The following MYO7A variants were observed in gnomAD, a reference collection of about 807,000 sequenced individuals.
MYO7A encodes the protein unconventional myosin-VIIa.
A neutral mutation model predicts 263.8 loss-of-function variants in MYO7A; 210 were observed. The ratio of observed to expected loss-of-function variants is 0.80; its 90% CI spans 0.71 to 0.89. The LOEUF is 0.89. Ranked by LOEUF, MYO7A falls within the 40% of genes least tolerant of loss-of-function variation. The pLI is 0.00. For missense variants in MYO7A, 2,820 were observed against 2,968.3 expected (o/e 0.95, Z 1.16); for synonymous variants, 1,239 against 1,197.3 (o/e 1.03, Z -0.72).
At chr11:77,191,460 T>C (rs1168854771) in intron 30 of MYO7A, among the ~76,000 whole-genome samples, 1 of 152,162 alleles carries the variant, frequency 6.6e-6, no homozygotes, top group African/African-American at 2.4e-5. Flanking sequence ...CACAGGCTGA[T>C]GGGAGGGCTG....
chr11:77,192,630 C>A (rs1298106583), intron 31 of MYO7A, among the ~76,000 whole-genome samples: 1 of 152,052 alleles, frequency 6.6e-6, no homozygotes, highest in East Asian at 1.9e-4. Context: ...TACAGCCATT[C>A]CTTGAGATCA....
intron 31 of MYO7A, among the ~76,000 whole-genome samples, chr11:77,192,841 G>A (rs996630512): frequency 3.2e-4 from 48 of 151,850 alleles, no homozygotes; most frequent in African/African-American, 1.1e-3. Flanking sequence ...GGTGATGGTG[G>A]AGGTAGTGAT....
At chr11:77,194,079 T>A in intron 31 of MYO7A, 4 of 638,822 alleles carry the variant, frequency 6.3e-6, no homozygotes, top group South Asian at 6.0e-5. Flanking sequence ...TTTCTTTGCA[T>A]CACTTCATGT....
intron 2 of MYO7A, among the ~76,000 whole-genome samples, chr11:77,141,711 C>T (rs1951221044): frequency 6.6e-6 from 1 of 152,212 alleles, no homozygotes; most frequent in Non-Finnish European, 1.5e-5. Flanking sequence ...GCTGGGATTA[C>T]TGTCCCCTGC....
In MYO7A at chr11:77,168,254, C is replaced by T. The variant is rs553841188; in HGVS notation, c.1797+2092C>T. Among the ~76,000 whole-genome samples the T allele has an allele frequency of 9.0e-4, 137 of 152,294 alleles. No homozygotes were observed. In the South Asian group the frequency reaches 0.016, roughly 18 times the overall value. On this transcript the variant is annotated intron_variant, in intron 15 of 48. Coordinates refer to ENST00000409709, the MANE Select transcript of MYO7A (RefSeq NM_000260.4). ...GAGTTTCCTACTCCTGGGATTAGAA[C>T]CCACTTACTGAGAAATCATGGAGAG...
intron 27 of MYO7A, 196 bp downstream of exon 27, chr11:77,184,911 C>A: frequency 1.1e-6 from 1 of 931,696 alleles, no homozygotes; most frequent in Non-Finnish European, 1.7e-6. Context: ...AAGGGGGAAT[C>A]CTAAAACAGG....
At position 77,159,440 on chromosome 11, in the gene MYO7A, C is replaced by G. The variant is rs782000647; in HGVS notation, c.1004-7C>G. On this transcript the variant is annotated splice_region_variant and splice_polypyrimidine_tract_variant and intron_variant, in intron 9 of 48. Coordinates refer to ENST00000409709, the MANE Select transcript of MYO7A (RefSeq NM_000260.4). ...TCCCCTGATGCTGTGCCCCTTGCTG[C>G]CAACAGCACGCACATTTGAAAACCT... is the stretch of plus-strand genomic sequence containing the variant. 2 of 1,071,396 alleles carry G rather than the reference C, an allele frequency of 1.9e-6. No individual in the cohort carries two copies. Among genetic ancestry groups the G allele is most frequent in the Admixed American group, 3.8e-5 (2 of 51,978 alleles). The allele number at this position is 1,071,396 out of a possible 1,614,324, so 66.4% of individuals were successfully genotyped here. A position where few individuals can be genotyped will look rare whatever the true frequency, so the allele number is the denominator to read the frequency against.
intron 23 of MYO7A, among the ~76,000 whole-genome samples, 154 bp from the exon 24 acceptor site, chr11:77,181,797 T>G (rs1241664139): frequency 2.1e-5 from 3 of 143,242 alleles, no homozygotes; most frequent in East Asian, 2.1e-4. Flanking sequence ...TTTTTTTTTT[T>G]TTTTTGAGAT....
chr11:77,160,848 TGG>T, intron 11 of MYO7A, 123 bp from the exon 12 acceptor site: 1 of 1,077,516 alleles, frequency 9.3e-7, no homozygotes, highest in Non-Finnish European at 1.4e-6. Flanking sequence ...AGTAAAGGGT[TGG>T]GGGTTTCACA....
chr11:77,166,517 G>A (rs2053920051), intron 15 of MYO7A, among the ~76,000 whole-genome samples: 1 of 152,142 alleles, frequency 6.6e-6, no homozygotes, highest in South Asian at 2.1e-4. Context: ...GATGTGGGGT[G>A]GGTGTGGATA....
chr11:77,183,268 T>C, intron 26 of MYO7A, 111 bp downstream of exon 26: 1 of 914,022 alleles, frequency 1.1e-6, no homozygotes, highest in Middle Eastern at 2.9e-4. Context: ...GAGTGGACAC[T>C]GTCTGTCCTC....
In MYO7A at chr11:77,162,861, C is replaced by G. The variant is rs782402745; in HGVS notation, c.1563C>G (p.Asp521Glu). Residue 521 changes from aspartate to glutamate, a missense_variant, in exon 14 of 49, where the codon GAC becomes GAG. Transcript: ENST00000409709. ...GCCCCTCCACTCCCCAGGGCACAGA[C>G]ACCACCATGTTACACAAGCTGAACT... ...DEESKFPKGT[D>E]TTMLHKLNSQ... 1 of 1,613,614 alleles carries G rather than the reference C, an allele frequency of 6.2e-7. No homozygotes were observed. The highest frequency in any genetic ancestry group is 1.1e-5 in the South Asian group (1 of 91,048).
At chr11:77,207,267 C>T in intron 41 of MYO7A, 22 bp from the exon 42 acceptor site, 2 of 1,561,594 alleles carry the variant, frequency 1.3e-6, no homozygotes, top group South Asian at 1.1e-5. Flanking sequence ...TGCAGGAGCC[C>T]AGTGCTCACT....
chr11:77,200,186 A>G (rs139068682), intron 35 of MYO7A, among the ~76,000 whole-genome samples: 78 of 152,142 alleles, frequency 5.1e-4, no homozygotes, highest in African/African-American at 1.6e-3. Context: ...TAGAAGGATT[A>G]CTTGAGTCCA....
At chr11:77,181,721 C>T (rs1028353235) in intron 23 of MYO7A, 132 bp downstream of exon 23, 17 of 917,372 alleles carry the variant, frequency 1.9e-5, no homozygotes, top group Admixed American at 8.3e-5. Context: ...GAACTGGGTC[C>T]GGGCTGCAGG....
chr11:77,133,852 A>G (rs1013243339), intron 2 of MYO7A, among the ~76,000 whole-genome samples: 1 of 152,012 alleles, frequency 6.6e-6, no homozygotes, highest in Non-Finnish European at 1.5e-5. Context: ...ATTTTTTTCT[A>G]AAGTACTGTT....
In MYO7A at chr11:77,148,023, C is replaced by T. The variant is rs4074664; in HGVS notation, c.285+73C>T. On this transcript the variant is annotated intron_variant, in intron 4 of 48. Coordinates refer to ENST00000409709, the MANE Select transcript of MYO7A (RefSeq NM_000260.4). ...CCCCGCCCACCTCGCCCCACCCCGC[C>T]CGACTTGCCTCCGGCCCCGCCCTGC... 147,507 of 1,356,062 alleles carry T rather than the reference C, an allele frequency of 0.11. 8,760 individuals are homozygous for T. Among genetic ancestry groups the T allele is most frequent in the Middle Eastern group, 0.17 (637 of 3,764 alleles). 84.0% of individuals were successfully genotyped at this position (1,356,062 alleles called of 1,614,324 possible).
At position 77,194,482 on chromosome 11, in the gene MYO7A, G is replaced by A. The variant is rs185607254; in HGVS notation, c.4281G>A (p.Thr1427=). ...IPDREITPLK[T]LEKWAQLAIA... ...ACCGCGAGATCACGCCCCTGAAGAC[G>A]CTGGAGAAGTGGGCCCAGCTGGCCA... is the stretch of plus-strand genomic sequence containing the variant. Residue 1427 remains threonine, a synonymous_variant, in exon 32 of 49, where the codon ACG becomes ACA. Transcript: ENST00000409709. The A allele has an allele frequency of 7.3e-5, 118 of 1,608,280 alleles. No individual in the cohort carries two copies. In the African/African-American group the frequency reaches 9.9e-4, roughly 13 times the overall value.
intron 17 of MYO7A, among the ~76,000 whole-genome samples, chr11:77,175,148 C>T (rs1174809598): frequency 3.3e-5 from 5 of 152,196 alleles, no homozygotes; most frequent in Admixed American, 6.5e-5. Flanking sequence ...AGGGCTGCCA[C>T]GCGGGCCCTG....
Sources: gnomAD v4.1 joint callset for allele counts (sites outside exome capture counted in the v4.1 genomes callset) on GRCh38, gnomAD v4.1.1 for gene constraint, MANE v1.5 for transcripts, NCBI Gene and HGNC (gene_info 2026-07-23, HGNC 2026-07-21) for gene names.